The following CPSF6 variants were observed in gnomAD, a reference collection of about 807,000 sequenced individuals.
CPSF6 encodes the protein cleavage and polyadenylation specific factor 6.
CPSF6 carries 10 observed loss-of-function variants against 56.7 expected under a neutral mutation model. The observed-to-expected ratio is 0.18, with a 90% CI of 0.11 to 0.30. The LOEUF is 0.30. Ranked by LOEUF, CPSF6 falls within the 10% of genes least tolerant of loss-of-function variation. CPSF6 has a pLI of 1.00. For missense variants in CPSF6, 419 were observed against 722.9 expected, an observed-to-expected ratio of 0.58 and a Z score of 4.82; for synonymous variants, 248 against 244.8, an observed-to-expected ratio of 1.01 and a Z score of -0.12.
At chr12:69,261,735 T>G (rs1872749227) in intron 8 of CPSF6, among the ~76,000 whole-genome samples, 1 of 152,214 alleles carries the variant, frequency 6.6e-6, no homozygotes, top group South Asian at 2.1e-4. Flanking sequence ...GTCTTTTGGG[T>G]AGTAAGCTTT....
intron 1 of CPSF6, among the ~76,000 whole-genome samples, chr12:69,246,361 T>G (rs2120448196): frequency 1.3e-5 from 2 of 152,334 alleles, no homozygotes; most frequent in Admixed American, 1.3e-4. Context: ...GCTGTCAGGT[T>G]GAGAATGAGC....
rs1430435911 is a variant in CPSF6 at position 69,256,734 on chromosome 12, A to G, written c.412A>G (p.Lys138Glu). The change falls in exon 4 of 10, where the codon AAA becomes GAA. Residue 138 changes from lysine (K) to glutamate (E), a missense_variant. By Grantham distance (56) the Lys-to-Glu change is moderately conservative (BLOSUM62 1). Transcript: ENST00000435070. ...LVGVGSEASS[K>E]KLMDLLPKRE... ...TGGTGTTGGATCTGAAGCATCTTCA[A>G]AAAAGTTAATGGATCTGTTACCTAA... 2.5e-6 allele frequency: 4 copies of G among 1,613,920 alleles called. No homozygotes were observed. Among genetic ancestry groups the G allele is most frequent in the Non-Finnish European group, 3.4e-6 (4 of 1,179,920 alleles).
chr12:69,272,155 G>GTGTT lies in CPSF6; in HGVS notation c.*2648_*2649insGTTT, dbSNP rs1555169732. On this transcript the variant is annotated 3_prime_UTR_variant, in exon 10 of 10. Transcript: ENST00000435070. ...TTCCAGTGTAAATTTGCAGATGTGT[G>GTGTT]TTTTTTTTTTTTGTCACTTTTCATA... 1 of 145,662 alleles carries GTGTT rather than the reference G, an allele frequency of 6.9e-6. No individual in the cohort carries two copies. The highest frequency in any genetic ancestry group is 2.0e-4 in the East Asian group (1 of 5,048). The allele number at this position is 145,662 out of a possible 1,614,324, so 9.0% of individuals were successfully genotyped here.
rs779739112 is a variant in CPSF6, at chr12:69,260,214, T to A, written c.1469+17T>A. ...TGGATCAAGGTAAAACTTTCCTGTC[T>A]CATTTCCATTTAAAAAAACTGTTAG... On this transcript the variant is annotated intron_variant, in intron 8 of 9. Transcript: ENST00000435070. 6.6e-7 allele frequency: 1 copy of A among 1,522,206 alleles called. No homozygotes were observed. The highest frequency in any genetic ancestry group is 1.3e-5 in the South Asian group (1 of 79,150). 94.3% of individuals were successfully genotyped at this position (1,522,206 alleles called of 1,614,324 possible).
In CPSF6 at chr12:69,271,008, A is replaced by G. The variant is rs192919891; in HGVS notation, c.*1500A>G. The G allele has an allele frequency of 2.0e-4, 30 of 151,798 alleles. No homozygotes were observed. The highest frequency in any genetic ancestry group is 6.5e-4 in the African/African-American group (27 of 41,428). 9.4% of individuals were successfully genotyped at this position (151,798 alleles called of 1,614,324 possible). A position where few individuals can be genotyped will look rare whatever the true frequency, so the allele number is the denominator to read the frequency against. ...GTTAAAATACCCTAGATACTGTGTT[A>G]TGTGCAACTGTAGAAACCCTCCAGA... is the stretch of plus-strand genomic sequence containing the variant. On this transcript the variant is annotated 3_prime_UTR_variant, in exon 10 of 10. Coordinates refer to ENST00000435070, the MANE Select transcript of CPSF6 (RefSeq NM_007007.3).
intron 3 of CPSF6, among the ~76,000 whole-genome samples, chr12:69,254,639 A>C (rs1410224288): frequency 6.6e-6 from 1 of 152,222 alleles, no homozygotes; most frequent in African/African-American, 2.4e-5. Context: ...GCGTATAAGA[A>C]GTGGTGCTTA....
rs1873168272 is a variant in CPSF6, at chr12:69,270,002, C to A, written c.*494C>A. 6.6e-6 allele frequency: 1 copy of A among 152,316 alleles called. No individual in the cohort carries two copies. The highest frequency in any genetic ancestry group is 2.1e-4 in the South Asian group (1 of 4,848). 9.4% of individuals were successfully genotyped at this position (152,316 alleles called of 1,614,324 possible). A position where few individuals can be genotyped will look rare whatever the true frequency, so the allele number is the denominator to read the frequency against. ...ACCTCAGGGAAAGTCTTGTGTTCAG[C>A]AATATCTAAAGATAATGTTACTATG... is the stretch of plus-strand genomic sequence containing the variant. On this transcript the variant is annotated 3_prime_UTR_variant, in exon 10 of 10. Transcript: ENST00000435070.
At chr12:69,265,633 G>T (rs188636974) in intron 9 of CPSF6, among the ~76,000 whole-genome samples, 57 of 115,576 alleles carry the variant, frequency 4.9e-4, no homozygotes, top group African/African-American at 1.6e-3. Flanking sequence ...ATGGAGTCTT[G>T]CTCTTGTTGC....
intron 6 of CPSF6, 85 bp from the exon 7 acceptor site, chr12:69,259,343 A>G: frequency 7.4e-6 from 11 of 1,478,866 alleles, no homozygotes; most frequent in African/African-American, 4.2e-5. Context: ...TGTCAGAAGC[A>G]GCTAGTATGA....
intron 7 of CPSF6, 85 bp downstream of exon 7, chr12:69,259,628 A>G: frequency 9.1e-7 from 1 of 1,094,114 alleles, no homozygotes. Context: ...AAGATAGGTC[A>G]TTTACATGTA....
At chr12:69,268,477 C>G (rs1873096596) in intron 9 of CPSF6, among the ~76,000 whole-genome samples, 1 of 133,240 alleles carries the variant, frequency 7.5e-6, no homozygotes, top group Non-Finnish European at 1.6e-5. Context: ...GCAGAAGTAA[C>G]TCTTAATTGT....
chr12:69,249,168 G>GGGGGGGGGGGC (rs1565644117), intron 1 of CPSF6, among the ~76,000 whole-genome samples: 1 of 33,908 alleles, frequency 2.9e-5, no homozygotes, highest in Non-Finnish European at 6.6e-5. Context: ...GGGGGGGGGG[G>GGGGGGGGGGGC]GCTGAGGCAG....
chr12:69,249,347 A>C (rs181127314), intron 1 of CPSF6, among the ~76,000 whole-genome samples: 3 of 152,212 alleles, frequency 2.0e-5, no homozygotes, highest in African/African-American at 7.2e-5. Flanking sequence ...TCTCCTTTAA[A>C]TAGCAAAACA....
chr12:69,268,242 G>A (rs2120646127), intron 9 of CPSF6, among the ~76,000 whole-genome samples: 1 of 151,800 alleles, frequency 6.6e-6, no homozygotes, highest in Non-Finnish European at 1.5e-5. Flanking sequence ...ATCAACATAA[G>A]ATGAAGATGC....
In CPSF6 at chr12:69,260,207, T is replaced by G. The variant is rs996841124; in HGVS notation, c.1469+10T>G. 6.5e-7 allele frequency: 1 copy of G among 1,548,676 alleles called. No homozygotes were observed. ...ATGGTTCTGGATCAAGGTAAAACTT[T>G]CCTGTCTCATTTCCATTTAAAAAAA... On this transcript the variant is annotated intron_variant, in intron 8 of 9. Transcript: ENST00000435070.
Position 69,258,485 on chromosome 12 carries a change from C to A in CPSF6, c.695-105C>A. ...TACGGGTTTAATTTAAAGACAAAGA[C>A]TTGGTGTATGCTCTATGCGTTTAAA... On this transcript the variant is annotated intron_variant, in intron 5 of 9. Coordinates refer to ENST00000435070, the MANE Select transcript of CPSF6 (RefSeq NM_007007.3). This position sits in a 1 kb window ranked among gnomAD's most constrained non-coding sequence, Gnocchi z 4.2. The A allele has an allele frequency of 8.6e-7, 1 of 1,158,360 alleles. No homozygotes were observed. Among genetic ancestry groups the A allele is most frequent in the Non-Finnish European group, 1.2e-6 (1 of 840,098 alleles). 71.8% of individuals were successfully genotyped at this position (1,158,360 alleles called of 1,614,324 possible).
rs901273609 is a variant in CPSF6 at position 69,270,743 on chromosome 12, G to A, written c.*1235G>A. 24 of 151,592 alleles carry A rather than the reference G, an allele frequency of 1.6e-4. No homozygotes were observed. The highest frequency in any genetic ancestry group is 5.3e-4 in the African/African-American group (22 of 41,372). The allele number at this position is 151,592 out of a possible 1,614,324, so 9.4% of individuals were successfully genotyped here. On this transcript the variant is annotated 3_prime_UTR_variant, in exon 10 of 10. Coordinates refer to ENST00000435070, the MANE Select transcript of CPSF6 (RefSeq NM_007007.3). ...TTTTTTCAAACCTGCCTTACATATA[G>A]GCCCACTTTAAAAGCACCTGACTAG...
intron 2 of CPSF6, among the ~76,000 whole-genome samples, chr12:69,251,713 T>C (rs566625713): frequency 5.6e-4 from 85 of 152,186 alleles, no homozygotes; most frequent in Admixed American, 1.2e-3. Flanking sequence ...AGACATAGTA[T>C]CACTCCTGGT....
rs1472598405 is a variant in CPSF6, at chr12:69,272,033, A to G, written c.*2525A>G. The G allele has an allele frequency of 6.6e-6, 1 of 151,732 alleles. No homozygotes were observed. Among genetic ancestry groups the G allele is most frequent in the African/African-American group, 2.4e-5 (1 of 41,408 alleles). 9.4% of individuals were successfully genotyped at this position (151,732 alleles called of 1,614,324 possible). ...TTCAGCCAGTAGTAAAGTTAAACAG[A>G]TGAGTGATACAGTACCTGAATGGTA... On this transcript the variant is annotated 3_prime_UTR_variant, in exon 10 of 10. Coordinates refer to ENST00000435070, the MANE Select transcript of CPSF6 (RefSeq NM_007007.3).
Sources: gnomAD v4.1 joint callset for allele counts (sites outside exome capture counted in the v4.1 genomes callset) on GRCh38, gnomAD v4.1.1 for gene constraint, Gnocchi (gnomAD v3.1) non-coding constraint, MANE v1.5 for transcripts, NCBI Gene and HGNC (gene_info 2026-07-23, HGNC 2026-07-21) for gene names.